The following RORA variants were observed in gnomAD, a reference collection of about 807,000 sequenced individuals.
The protein encoded by RORA is RAR related orphan receptor A.
RORA carries 7 observed loss-of-function variants against 69.5 expected under a neutral mutation model. That is an observed-to-expected ratio of 0.10 (90% CI 0.06 to 0.19). The LOEUF is 0.19. Ranked by LOEUF, RORA falls within the 10% of genes least tolerant of loss-of-function variation. RORA has a pLI of 1.00. For synonymous variants in RORA, 261 were observed against 240.8 expected, an observed-to-expected ratio of 1.08 and a Z score of -0.78; for missense variants, 457 against 663.0, an observed-to-expected ratio of 0.69 and a Z score of 3.41.
chr15:60,931,266 G>A (rs557200674), intron 1 of RORA, among the ~76,000 whole-genome samples: 32 of 152,304 alleles, frequency 2.1e-4, no homozygotes, highest in African/African-American at 7.2e-4. Flanking sequence ...CTGCCCAGAG[G>A]CACAAAGCCC....
chr15:60,876,809 C>T lies in RORA; in HGVS notation c.167-198123G>A, dbSNP rs542366945. Among the ~76,000 whole-genome samples, 452 of 152,220 alleles carry T rather than the reference C, an allele frequency of 3.0e-3. 2 individuals are homozygous for T. Among genetic ancestry groups the T allele is most frequent in the African/African-American group, 6.8e-3 (284 of 41,544 alleles). ...ACATGGCTCTTTCCTCAAGGATTAG[C>T]GAGACAGACACCTAGTCACAATTCA... On this transcript the variant is annotated intron_variant, in intron 1 of 10. Coordinates refer to ENST00000335670, the MANE Select transcript of RORA (RefSeq NM_134261.3).
intron 2 of RORA, chr15:60,630,386 G>A (rs1232504854): frequency 6.6e-6 from 1 of 152,168 alleles, no homozygotes; most frequent in Non-Finnish European, 1.5e-5. Flanking sequence ...TCTTGTCTTT[G>A]TATGCCCGTA....
At chr15:61,023,187 CAA>C (rs35185635) in intron 1 of RORA, among the ~76,000 whole-genome samples, 38 of 75,682 alleles carry the variant, frequency 5.0e-4, no homozygotes, top group South Asian at 1.3e-3. Context: ...GACTCTGCCT[CAA>C]AAAAAAAAAA....
At chr15:60,778,436 C>T (rs1477700358) in intron 1 of RORA, among the ~76,000 whole-genome samples, 1 of 152,180 alleles carries the variant, frequency 6.6e-6, no homozygotes, top group Non-Finnish European at 1.5e-5. Context: ...TGTGGCAAAC[C>T]TAACCCCATA....
chr15:61,103,851 G>A (rs1240577094), intron 1 of RORA, among the ~76,000 whole-genome samples: 1 of 150,122 alleles, frequency 6.7e-6, no homozygotes, highest in Non-Finnish European at 1.5e-5. Flanking sequence ...GACCTAAAAA[G>A]ACCTCGGCAA....
At chr15:60,521,247 A>ATT (rs34311504) in intron 3 of RORA, among the ~76,000 whole-genome samples, 40,268 of 144,956 alleles carry the variant, frequency 0.28, 6,234 homozygotes, top group African/African-American at 0.4. Flanking sequence ...AAAAATTGTC[A>ATT]TTTTTTTTTT....
chr15:60,616,033 A>G (rs550899287), intron 2 of RORA, among the ~76,000 whole-genome samples: 1 of 152,194 alleles, frequency 6.6e-6, no homozygotes, highest in Non-Finnish European at 1.5e-5. Context: ...ATGCACCTCT[A>G]TTGGACTCTT....
At chr15:61,159,533 T>A (rs894507309) in intron 1 of RORA, among the ~76,000 whole-genome samples, 1 of 152,228 alleles carries the variant, frequency 6.6e-6, no homozygotes, top group African/African-American at 2.4e-5. Context: ...ACCTGTGAGA[T>A]GCTGATCTTT....
chr15:61,202,471 T>C (rs902733528), intron 1 of RORA, among the ~76,000 whole-genome samples: 1 of 152,060 alleles, frequency 6.6e-6, no homozygotes, highest in African/African-American at 2.4e-5. Context: ...GAGGCTAGAA[T>C]CAAAGCAAAA....
At chr15:60,595,685 GA>G (rs34344210) in intron 2 of RORA, among the ~76,000 whole-genome samples, 94,504 of 143,430 alleles carry the variant, frequency 0.66, 30,701 homozygotes, top group East Asian at 0.91. Context: ...CAAGTGTTCT[GA>G]AAAAAAAAAA....
intron 1 of RORA, among the ~76,000 whole-genome samples, chr15:60,728,480 T>C (rs577310738): frequency 2.0e-5 from 3 of 152,270 alleles, no homozygotes; most frequent in Non-Finnish European, 4.4e-5. Flanking sequence ...CAGAAAAACA[T>C]AGGACATTAG....
chr15:60,759,821 A>C (rs1296453984), intron 1 of RORA, among the ~76,000 whole-genome samples: 3 of 152,174 alleles, frequency 2.0e-5, no homozygotes, highest in Admixed American at 6.5e-5. Context: ...AATGGAAAGA[A>C]ATATTTAACC....
At position 60,495,762 on chromosome 15, in the gene RORA, G is replaced by A. The variant is rs540761569; in HGVS notation, c.*1693C>T. The A allele has an allele frequency of 1.3e-4, 19 of 151,836 alleles. No individual in the cohort carries two copies. Among genetic ancestry groups the A allele is most frequent in the South Asian group, 6.3e-4 (3 of 4,798 alleles). The allele number at this position is 151,836 out of a possible 1,614,324, so 9.4% of individuals were successfully genotyped here. On this transcript the variant is annotated 3_prime_UTR_variant, in exon 11 of 11. Transcript: ENST00000335670. ...CACCCCTAGTGCGACTAAAATCATC[G>A]TCTAAATGCCTACATTCCCAAAAGG... is the stretch of plus-strand genomic sequence containing the variant.
rs1448708691 is a variant in RORA, at chr15:60,597,563, T to TAC, written c.197-65713_197-65712insGT. Among the ~76,000 whole-genome samples, 3 of 32,628 alleles carry TAC rather than the reference T, an allele frequency of 9.2e-5. 1 individual carries two copies. Among genetic ancestry groups the TAC allele is most frequent in the Non-Finnish European group, 1.5e-4 (3 of 19,764 alleles). The allele number at this position is 32,628 out of a possible 152,430, so 21.4% of individuals were successfully genotyped here. On this transcript the variant is annotated intron_variant, in intron 2 of 10. Coordinates refer to ENST00000335670, the MANE Select transcript of RORA (RefSeq NM_134261.3). ...CACACACACACAACATATATATATA[T>TAC]ATATATATATACACATATATATATA...
chr15:61,016,698 C>T (rs757894262), intron 1 of RORA, among the ~76,000 whole-genome samples: 2 of 152,068 alleles, frequency 1.3e-5, no homozygotes, highest in Non-Finnish European at 2.9e-5. Context: ...GGAGGTTTCG[C>T]GACCCATAAG....
At chr15:60,516,166 T>TTAA (rs2065925560) in intron 3 of RORA, among the ~76,000 whole-genome samples, 1 of 33,580 alleles carries the variant, frequency 3.0e-5, no homozygotes. Flanking sequence ...TATATTTATA[T>TTAA]ATATATTTAT....
At chr15:60,593,253 C>A in intron 2 of RORA, 1 of 173,298 alleles carries the variant, frequency 5.8e-6, no homozygotes, top group Non-Finnish European at 1.2e-5. Flanking sequence ...GCGTCCAAGA[C>A]CACTGATACC....
intron 1 of RORA, among the ~76,000 whole-genome samples, chr15:60,801,018 A>T: frequency 6.6e-6 from 1 of 152,204 alleles, no homozygotes; most frequent in East Asian, 1.9e-4. Context: ...ACCACTGAAA[A>T]ACTAGACGTG....
intron 1 of RORA, among the ~76,000 whole-genome samples, chr15:60,718,604 G>A (rs2071250898): frequency 6.6e-6 from 1 of 152,154 alleles, no homozygotes; most frequent in South Asian, 2.1e-4. Context: ...TCACCATGTT[G>A]CAAACTGACT....
Sources: gnomAD v4.1 joint callset for allele counts (sites outside exome capture counted in the v4.1 genomes callset) on GRCh38, gnomAD v4.1.1 for gene constraint, MANE v1.5 for transcripts, NCBI Gene and HGNC (gene_info 2026-07-23, HGNC 2026-07-21) for gene names.